Variants in PITPNC1 observed in about 807,000 individuals in gnomAD.
The protein encoded by PITPNC1 is phosphatidylinositol transfer protein cytoplasmic 1, also known as cytoplasmic phosphatidylinositol transfer protein 1.
Under a neutral mutation model 44.7 loss-of-function variants are expected in PITPNC1, and 18 were observed. The ratio of observed to expected loss-of-function variants is 0.40; its 90% CI spans 0.28 to 0.60. The LOEUF (loss-of-function observed/expected upper bound fraction) is 0.60. PITPNC1 is among the 20% of genes least tolerant of loss of function. PITPNC1 has a pLI of 0.39. For synonymous variants in PITPNC1, 141 were observed against 149.6 expected, an observed-to-expected ratio of 0.94 and a Z score of 0.42; for missense variants, 290 against 418.4, an observed-to-expected ratio of 0.69 and a Z score of 2.68.
At chr17:67,513,270 A>G (rs2040211311) in intron 1 of PITPNC1, among the ~76,000 whole-genome samples, 1 of 151,736 alleles carries the variant, frequency 6.6e-6, no homozygotes, top group Non-Finnish European at 1.5e-5. Flanking sequence ...AGGCTAAGGC[A>G]AGAGAGTAGC....
chr17:67,454,712 C>A (rs187462394), intron 1 of PITPNC1, among the ~76,000 whole-genome samples: 1 of 152,206 alleles, frequency 6.6e-6, no homozygotes, highest in East Asian at 1.9e-4. Context: ...AAAACAAAAG[C>A]CATTCAGAAT....
At chr17:67,558,667 A>G (rs554523390) in intron 4 of PITPNC1, among the ~76,000 whole-genome samples, 52 of 152,286 alleles carry the variant, frequency 3.4e-4, no homozygotes, top group Non-Finnish European at 6.3e-4. Flanking sequence ...CTCCACCGGC[A>G]TCTCTCTTAA....
At chr17:67,566,795 G>A (rs535691585) in intron 4 of PITPNC1, among the ~76,000 whole-genome samples, 4 of 152,162 alleles carry the variant, frequency 2.6e-5, no homozygotes, top group Non-Finnish European at 4.4e-5. Flanking sequence ...AGCAAAGCCT[G>A]TGCTTTCAAC....
chr17:67,435,038 G>A (rs1238458681), intron 1 of PITPNC1, among the ~76,000 whole-genome samples: 2 of 149,042 alleles, frequency 1.3e-5, no homozygotes, highest in Middle Eastern at 3.2e-3. Flanking sequence ...GAACCCGGGA[G>A]ATGGAGCTTG....
intron 6 of PITPNC1, among the ~76,000 whole-genome samples, chr17:67,663,235 C>T (rs1402280336): frequency 6.6e-6 from 1 of 152,174 alleles, no homozygotes; most frequent in Non-Finnish European, 1.5e-5. Context: ...TTCTTGGCTT[C>T]ACCCAGGAAA....
intron 1 of PITPNC1, among the ~76,000 whole-genome samples, chr17:67,518,092 C>T (rs1465308680): frequency 2.0e-5 from 3 of 152,158 alleles, no homozygotes; most frequent in Non-Finnish European, 4.4e-5. Context: ...CGTAAGTAAA[C>T]GCTGTAGGAC....
chr17:67,441,570 G>A (rs1052186952), intron 1 of PITPNC1, among the ~76,000 whole-genome samples: 11 of 152,264 alleles, frequency 7.2e-5, no homozygotes, highest in African/African-American at 2.4e-4. Flanking sequence ...TGTAAAAGGC[G>A]GATGGAAACA....
At chr17:67,449,666 C>T (rs12604007) in intron 1 of PITPNC1, among the ~76,000 whole-genome samples, 1 of 152,058 alleles carries the variant, frequency 6.6e-6, no homozygotes, top group South Asian at 2.1e-4. Flanking sequence ...AGAATTGAAA[C>T]TCAACAAGTT....
chr17:67,640,768 T>C (rs1305783181), intron 6 of PITPNC1, among the ~76,000 whole-genome samples: 2 of 150,484 alleles, frequency 1.3e-5, no homozygotes, highest in East Asian at 3.9e-4. Context: ...GGCAGGCAGA[T>C]TGCCTGAGCT....
chr17:67,416,232 CAG>C (rs2038587888), intron 1 of PITPNC1, among the ~76,000 whole-genome samples: 1 of 49,358 alleles, frequency 2.0e-5, no homozygotes, highest in Non-Finnish European at 4.2e-5. Flanking sequence ...TTTTTTTAGA[CAG>C]AGTCTCGCTC....
chr17:67,496,247 C>T (rs948953357), intron 1 of PITPNC1, among the ~76,000 whole-genome samples: 1 of 152,194 alleles, frequency 6.6e-6, no homozygotes, highest in Non-Finnish European at 1.5e-5. Flanking sequence ...TGGAAACACT[C>T]CCCTTTCCCT....
At chr17:67,642,034 C>G (rs866976635) in intron 6 of PITPNC1, among the ~76,000 whole-genome samples, 1 of 151,926 alleles carries the variant, frequency 6.6e-6, no homozygotes, top group Non-Finnish European at 1.5e-5. Flanking sequence ...ATTGCCCACA[C>G]CCTGCGGCTA....
At chr17:67,570,989 C>T (rs1229129498) in intron 4 of PITPNC1, among the ~76,000 whole-genome samples, 1 of 152,160 alleles carries the variant, frequency 6.6e-6, no homozygotes, top group African/African-American at 2.4e-5. Flanking sequence ...TTCCCCCTTC[C>T]CTTGCACTTG....
chr17:67,383,809 C>G (rs1027047488), intron 1 of PITPNC1, among the ~76,000 whole-genome samples: 1 of 152,150 alleles, frequency 6.6e-6, no homozygotes, highest in African/African-American at 2.4e-5. Context: ...GAGGCTGAGG[C>G]GGGTGGATCA....
chr17:67,388,204 T>G (rs1017148024), intron 1 of PITPNC1, among the ~76,000 whole-genome samples: 1 of 152,212 alleles, frequency 6.6e-6, no homozygotes, highest in Non-Finnish European at 1.5e-5. Context: ...ATTAAAAAAT[T>G]TCTTAGTGAT....
intron 2 of PITPNC1, among the ~76,000 whole-genome samples, chr17:67,543,413 A>G (rs2040635127): frequency 1.3e-5 from 2 of 152,214 alleles, no homozygotes; most frequent in Admixed American, 1.3e-4. Flanking sequence ...AAGTGGCTGC[A>G]CTGTTTTATA....
At chr17:67,487,174 T>G (rs1000702621) in intron 1 of PITPNC1, among the ~76,000 whole-genome samples, 1 of 152,132 alleles carries the variant, frequency 6.6e-6, no homozygotes, top group Non-Finnish European at 1.5e-5. Flanking sequence ...ACCACTTCCC[T>G]TTTTTGTTTT....
intron 4 of PITPNC1, among the ~76,000 whole-genome samples, chr17:67,560,443 T>A (rs955703351): frequency 6.6e-6 from 1 of 152,194 alleles, no homozygotes; most frequent in Non-Finnish European, 1.5e-5. Context: ...ACAGAACCCG[T>A]AAGTTCCTTT....
intron 6 of PITPNC1, among the ~76,000 whole-genome samples, chr17:67,667,657 G>A (rs866218698): frequency 4.0e-5 from 6 of 149,734 alleles, no homozygotes; most frequent in African/African-American, 1.5e-4. Flanking sequence ...GACAAATATT[G>A]GATGATTAAA....
Sources: allele counts gnomAD v4.1 joint callset (sites outside exome capture counted in the v4.1 genomes callset), GRCh38; gene constraint gnomAD v4.1.1; transcripts MANE v1.5; gene names NCBI Gene and HGNC (gene_info 2026-07-23, HGNC 2026-07-21).